Variants in RABGAP1L observed in about 807,000 individuals in gnomAD.
The protein encoded by RABGAP1L is rab GTPase-activating protein 1-like.
A neutral mutation model predicts 137.7 loss-of-function variants in RABGAP1L; 63 were observed. The ratio of observed to expected loss-of-function variants is 0.46; its 90% CI spans 0.37 to 0.56. The LOEUF is 0.56. Ranked by LOEUF, RABGAP1L falls within the 20% of genes least tolerant of loss-of-function variation. The pLI is 0.00. For missense variants in RABGAP1L, 1,095 were observed against 1,244.0 expected, an observed-to-expected ratio of 0.88 and a Z score of 1.80; for synonymous variants, 431 against 433.7, an observed-to-expected ratio of 0.99 and a Z score of 0.08.
intron 17 of RABGAP1L, among the ~76,000 whole-genome samples, chr1:174,717,250 A>G (rs2148577420): frequency 6.6e-6 from 1 of 152,136 alleles, no homozygotes; most frequent in African/African-American, 2.4e-5. Context: ...TGTCTATCAA[A>G]AGTTAAAAAA....
At chr1:174,460,334 A>C (rs1401829729) in intron 13 of RABGAP1L, among the ~76,000 whole-genome samples, 9 of 152,118 alleles carry the variant, frequency 5.9e-5, no homozygotes, top group Admixed American at 5.2e-4. Context: ...GATAAAAAAG[A>C]GACTAAATTA....
At chr1:174,694,389 C>T (rs1325267249) in intron 15 of RABGAP1L, among the ~76,000 whole-genome samples, 2 of 150,458 alleles carry the variant, frequency 1.3e-5, no homozygotes, top group African/African-American at 4.9e-5. Flanking sequence ...GTGATGTTCC[C>T]CTTCCTGTGT....
At chr1:174,404,359 G>A (rs1194506181) in intron 13 of RABGAP1L, among the ~76,000 whole-genome samples, 1 of 152,104 alleles carries the variant, frequency 6.6e-6, no homozygotes, top group Non-Finnish European at 1.5e-5. Flanking sequence ...TAATGAGTTA[G>A]CTTGGGTTAT....
At chr1:174,501,171 C>G (rs992666829) in intron 13 of RABGAP1L, among the ~76,000 whole-genome samples, 1 of 151,868 alleles carries the variant, frequency 6.6e-6, no homozygotes, top group Admixed American at 6.6e-5. Flanking sequence ...CCCTCTGAGA[C>G]CCTACATTTT....
At chr1:174,945,063 C>T (rs1253196102) in intron 19 of RABGAP1L, among the ~76,000 whole-genome samples, 1 of 152,190 alleles carries the variant, frequency 6.6e-6, no homozygotes, top group African/African-American at 2.4e-5. Context: ...GAACAGTGTC[C>T]TACTTGGTTT....
chr1:174,958,070 T>G (rs1668759595), intron 20 of RABGAP1L: 10 of 1,522,592 alleles, frequency 6.6e-6, no homozygotes, highest in Non-Finnish European at 5.3e-6. Context: ...TTTTAGCAGG[T>G]GAACTGTTCC....
rs1272245610 is a variant in RABGAP1L at position 174,702,223 on chromosome 1, G to A, written c.2136G>A (p.Met712Ile). The change falls in exon 17 of 26, where the codon ATG (methionine) becomes ATA (isoleucine). Residue 712 changes from methionine to isoleucine, a missense_variant. Met to Ile is a conservative substitution (Grantham distance 10). Transcript: ENST00000681986. ...TTACTGCCAAGTTCCCACTCTGCAT[G>A]GTGTTCCACATCATTGACTTACTGC... is the stretch of plus-strand genomic sequence containing the variant. ...TLFTAKFPLC[M>I]VFHIIDLLLC... is the part of the protein sequence containing the mutation. 6.2e-7 allele frequency: 1 copy of A among 1,611,462 alleles called. No homozygotes were observed. The highest frequency in any genetic ancestry group is 8.5e-7 in the Non-Finnish European group (1 of 1,178,756).
intron 13 of RABGAP1L, among the ~76,000 whole-genome samples, chr1:174,491,577 A>G (rs900144106): frequency 6.6e-6 from 1 of 152,028 alleles, no homozygotes; most frequent in Non-Finnish European, 1.5e-5. Context: ...TGTATTAACC[A>G]TTGTGTCTGG....
rs1689687040 is a variant in RABGAP1L at position 174,809,770 on chromosome 1, A to G, written c.2212-2062A>G. 2.0e-5 allele frequency among the ~76,000 whole-genome samples: 3 copies of G among 152,190 alleles called. No homozygotes were observed. In the South Asian group the frequency reaches 6.2e-4, roughly 32 times the overall value. On this transcript the variant is annotated intron_variant, in intron 18 of 25. Coordinates refer to ENST00000681986, the MANE Select transcript of RABGAP1L (RefSeq NM_001366446.1). ...TCAGAACTGGTATTACATGTGAAAA[A>G]CGAAGCCTAGGGATGTGTGGTACAT...
intron 13 of RABGAP1L, among the ~76,000 whole-genome samples, chr1:174,589,859 T>G (rs1268078119): frequency 2.6e-5 from 4 of 152,208 alleles, no homozygotes; most frequent in Admixed American, 1.3e-4. Flanking sequence ...TTGGTTGCAG[T>G]AGCTCTGTAG....
chr1:174,941,497 T>A (rs1222947106), intron 19 of RABGAP1L, among the ~76,000 whole-genome samples: 1 of 152,206 alleles, frequency 6.6e-6, no homozygotes, highest in African/African-American at 2.4e-5. Context: ...GCTCATAAGA[T>A]TCTGGCAAGC....
intron 13 of RABGAP1L, among the ~76,000 whole-genome samples, chr1:174,542,346 A>T (rs1244268282): frequency 1.3e-5 from 2 of 152,144 alleles, no homozygotes; most frequent in Admixed American, 1.3e-4. Flanking sequence ...CGAGGAATTT[A>T]TCCATTTCTT....
At chr1:174,440,414 A>G (rs1653988641) in intron 13 of RABGAP1L, among the ~76,000 whole-genome samples, 1 of 152,192 alleles carries the variant, frequency 6.6e-6, no homozygotes, top group African/African-American at 2.4e-5. Flanking sequence ...TAAGCACAAG[A>G]TGATGCTGGT....
At chr1:174,457,335 T>C (rs1056340942) in intron 13 of RABGAP1L, among the ~76,000 whole-genome samples, 7 of 152,170 alleles carry the variant, frequency 4.6e-5, no homozygotes, top group Non-Finnish European at 8.8e-5. Flanking sequence ...AAATATTCTT[T>C]ATGTGGATTA....
chr1:174,638,173 T>C (rs929051344), intron 14 of RABGAP1L, among the ~76,000 whole-genome samples: 2 of 152,132 alleles, frequency 1.3e-5, no homozygotes, highest in Admixed American at 6.5e-5. Context: ...TAATGAATAA[T>C]GAACTGCACA....
intron 20 of RABGAP1L, among the ~76,000 whole-genome samples, chr1:174,959,765 A>G (rs10912857): frequency 0.37 from 56,286 of 152,038 alleles, 13,576 homozygotes; most frequent in African/African-American, 0.69. Context: ...TGGTGAATTT[A>G]TAGTTCTTAG....
intron 1 of RABGAP1L, among the ~76,000 whole-genome samples, chr1:174,181,300 C>T (rs570653291): frequency 6.6e-6 from 1 of 151,348 alleles, no homozygotes; most frequent in Non-Finnish European, 1.5e-5. Flanking sequence ...GCCACTGTGC[C>T]TAGCTACTAA....
At chr1:174,298,998 T>C (rs1296984357) in intron 10 of RABGAP1L, among the ~76,000 whole-genome samples, 2 of 152,252 alleles carry the variant, frequency 1.3e-5, no homozygotes, top group Non-Finnish European at 2.9e-5. Context: ...GTTTAGAATT[T>C]AATGGCAAAT....
intron 17 of RABGAP1L, among the ~76,000 whole-genome samples, chr1:174,730,595 G>C (rs192230146): frequency 3.3e-5 from 5 of 152,152 alleles, no homozygotes; most frequent in Admixed American, 3.3e-4. Context: ...TTGATGTTTG[G>C]ATTTTCCCCG....
Sources: gnomAD v4.1 joint callset for allele counts (sites outside exome capture counted in the v4.1 genomes callset) on GRCh38, gnomAD v4.1.1 for gene constraint, MANE v1.5 for transcripts, NCBI Gene and HGNC (gene_info 2026-07-23, HGNC 2026-07-21) for gene names.